Variants in LAPTM4B observed in about 807,000 individuals in gnomAD.
The protein encoded by LAPTM4B is lysosomal-associated transmembrane protein 4B.
Under a neutral mutation model 28.5 loss-of-function variants are expected in LAPTM4B, and 26 were observed. The observed-to-expected ratio is 0.91, with a 90% CI of 0.67 to 1.27. The LOEUF (loss-of-function observed/expected upper bound fraction) is 1.27, where lower values mean the gene tolerates loss of function less well. LAPTM4B is among the 50% of genes most tolerant of loss of function. LAPTM4B has a pLI of 0.00. For synonymous variants in LAPTM4B, 109 were observed against 106.4 expected, an observed-to-expected ratio of 1.02 and a Z score of -0.15; for missense variants, 288 against 285.8, an observed-to-expected ratio of 1.01 and a Z score of -0.06.
chr8:97,831,774 G>A (rs1817186294), intron 6 of LAPTM4B, among the ~76,000 whole-genome samples: 1 of 152,216 alleles, frequency 6.6e-6, no homozygotes, highest in Non-Finnish European at 1.5e-5. Flanking sequence ...ACGTGTGCAG[G>A]CGCTGAGGCT....
At chr8:97,787,986 A>G (rs1816433772) in intron 1 of LAPTM4B, among the ~76,000 whole-genome samples, 1 of 152,210 alleles carries the variant, frequency 6.6e-6, no homozygotes, top group South Asian at 2.1e-4. Context: ...GGCACCTGCC[A>G]ACATGCCCAG....
At chr8:97,796,921 CAG>C (rs1218278665) in intron 1 of LAPTM4B, among the ~76,000 whole-genome samples, 1 of 151,964 alleles carries the variant, frequency 6.6e-6, no homozygotes, top group Admixed American at 6.6e-5. Context: ...GCTTGCGTGA[CAG>C]AGTGAGACTC....
intron 1 of LAPTM4B, among the ~76,000 whole-genome samples, chr8:97,803,277 AC>A (rs1816715559): frequency 6.6e-6 from 1 of 151,838 alleles, no homozygotes; most frequent in Admixed American, 6.6e-5. Context: ...TTAAAAATGA[AC>A]TTTTTTTTTT....
In LAPTM4B at chr8:97,815,322, C is replaced by G. The variant is rs766184397; in HGVS notation, c.212-6C>G. Reference sequence around the variant, plus strand: ...TTTAAAGAAATTCTTTTTAATCTTTCGGCAGACATGTGCATTGCCATTGCG... The same window carrying G: ...TTTAAAGAAATTCTTTTTAATCTTTGGGCAGACATGTGCATTGCCATTGCG... On this transcript the variant is annotated splice_region_variant and splice_polypyrimidine_tract_variant and intron_variant, in intron 2 of 6. Coordinates refer to ENST00000521545, the MANE Select transcript of LAPTM4B (RefSeq NM_018407.6). 7 of 1,591,252 alleles carry G rather than the reference C, an allele frequency of 4.4e-6. No homozygotes were observed. Among genetic ancestry groups the G allele is most frequent in the Non-Finnish European group, 6.0e-6 (7 of 1,159,996 alleles).
intron 2 of LAPTM4B, among the ~76,000 whole-genome samples, chr8:97,814,728 C>G (rs1816878353): frequency 6.7e-6 from 1 of 149,518 alleles, no homozygotes; most frequent in African/African-American, 2.5e-5. Flanking sequence ...GAGTCTCGCT[C>G]TATCGCCCAG....
intron 6 of LAPTM4B, among the ~76,000 whole-genome samples, chr8:97,832,810 G>T (rs189208053): frequency 1.3e-5 from 2 of 150,164 alleles, no homozygotes; most frequent in Admixed American, 1.3e-4. Flanking sequence ...AGGTTCAAGC[G>T]ATTCTCCTGC....
intron 6 of LAPTM4B, among the ~76,000 whole-genome samples, chr8:97,836,133 G>A (rs560389093): frequency 7.9e-5 from 12 of 152,066 alleles, no homozygotes; most frequent in African/African-American, 2.9e-4. Context: ...AGGGACTGCC[G>A]ATGTAGATTA....
chr8:97,828,722 A>G (rs929427000), intron 6 of LAPTM4B, among the ~76,000 whole-genome samples: 4 of 152,126 alleles, frequency 2.6e-5, no homozygotes, highest in African/African-American at 9.7e-5. Context: ...TCGACTTGGG[A>G]TTGGAGGACA....
chr8:97,832,317 G>T (rs1382289525), intron 6 of LAPTM4B, among the ~76,000 whole-genome samples: 1 of 152,194 alleles, frequency 6.6e-6, no homozygotes, highest in Non-Finnish European at 1.5e-5. Flanking sequence ...GCTACCAGGT[G>T]GGCAGTAGTT....
intron 6 of LAPTM4B, among the ~76,000 whole-genome samples, chr8:97,845,394 A>G (rs1020748161): frequency 2.5e-4 from 38 of 150,870 alleles, no homozygotes; most frequent in African/African-American, 9.3e-4. Flanking sequence ...CTAAGTGGCT[A>G]TCAAACCTGT....
intron 2 of LAPTM4B, among the ~76,000 whole-genome samples, chr8:97,805,779 T>G (rs1461448993): frequency 6.6e-6 from 1 of 152,224 alleles, no homozygotes; most frequent in Non-Finnish European, 1.5e-5. Context: ...AGGCTTGTGC[T>G]TATCTCCTTG....
chr8:97,789,058 ATT>A (rs1816455342), intron 1 of LAPTM4B, among the ~76,000 whole-genome samples: 824 of 80,426 alleles, frequency 0.01, 7 homozygotes, highest in African/African-American at 0.05. Context: ...TTATTTATTT[ATT>A]TATTTATTTA....
At chr8:97,784,745 G>A (rs1196209838) in intron 1 of LAPTM4B, among the ~76,000 whole-genome samples, 1 of 152,128 alleles carries the variant, frequency 6.6e-6, no homozygotes, top group African/African-American at 2.4e-5. Context: ...GCCAATGAAA[G>A]CAGTTTTTAA....
At chr8:97,823,773 C>T (rs1332127409) in intron 5 of LAPTM4B, among the ~76,000 whole-genome samples, 1 of 150,806 alleles carries the variant, frequency 6.6e-6, no homozygotes, top group African/African-American at 2.4e-5. Context: ...TCTTGGCTCA[C>T]TGCAACTGCC....
chr8:97,818,341 T>C (rs549582687), intron 4 of LAPTM4B, among the ~76,000 whole-genome samples: 3 of 130,088 alleles, frequency 2.3e-5, no homozygotes, highest in South Asian at 5.0e-4. Flanking sequence ...TCCAAACACA[T>C]AGTGTTGAAT....
chr8:97,783,291 T>A (rs1816352084), intron 1 of LAPTM4B, among the ~76,000 whole-genome samples: 1 of 152,068 alleles, frequency 6.6e-6, no homozygotes, highest in African/African-American at 2.4e-5. Context: ...TTTTGTTTTT[T>A]AATTATACTT....
intron 6 of LAPTM4B, among the ~76,000 whole-genome samples, chr8:97,846,801 C>T (rs966751637): frequency 6.6e-6 from 1 of 152,068 alleles, no homozygotes; most frequent in African/African-American, 2.4e-5. Flanking sequence ...AAACATAGAC[C>T]CACCTCACTC....
chr8:97,806,967 G>T (rs2449524), intron 2 of LAPTM4B, among the ~76,000 whole-genome samples: 1 of 151,988 alleles, frequency 6.6e-6, no homozygotes, highest in Non-Finnish European at 1.5e-5. Context: ...TCTTCATTCT[G>T]TCTTGTCACC....
At chr8:97,831,330 G>A (rs1054290502) in intron 6 of LAPTM4B, among the ~76,000 whole-genome samples, 1 of 152,166 alleles carries the variant, frequency 6.6e-6, no homozygotes, top group Non-Finnish European at 1.5e-5. Flanking sequence ...TCTGGTAAAG[G>A]TATCAACCCA....
Sources: allele counts gnomAD v4.1 joint callset (sites outside exome capture counted in the v4.1 genomes callset), GRCh38; gene constraint gnomAD v4.1.1; transcripts MANE v1.5; gene names NCBI Gene and HGNC (gene_info 2026-07-23, HGNC 2026-07-21).